Variants in PLD5 observed in about 807,000 individuals in gnomAD.
PLD5 encodes inactive phospholipase D5.
Under a neutral mutation model 61.1 loss-of-function variants are expected in PLD5, and 36 were observed. The ratio of observed to expected loss-of-function variants is 0.59; its 90% CI spans 0.45 to 0.78. PLD5 has a LOEUF of 0.78. Ranked by LOEUF, PLD5 falls within the 30% of genes least tolerant of loss-of-function variation. The pLI is 0.00. For synonymous variants in PLD5, 243 were observed against 242.8 expected (o/e 1.00, Z -0.01); for missense variants, 515 against 644.4 (o/e 0.80, Z 2.17).
At chr1:242,324,752 TGTTTG>T (rs2149192530) in intron 2 of PLD5, among the ~76,000 whole-genome samples, 1 of 152,294 alleles carries the variant, frequency 6.6e-6, no homozygotes, top group East Asian at 1.9e-4. Context: ...CTAAGATTGA[TGTTTG>T]AGTATTTTTT....
rs1659345724 is a variant in PLD5 at position 242,083,815 on chromosome 1, A to G, written c.*6039T>C. Reference sequence around the variant, plus strand: ...CTCTATTTATATTGGAAAGTAACATATAATTTCAACGTTTTTAATCCTGGG... The same window carrying G: ...CTCTATTTATATTGGAAAGTAACATGTAATTTCAACGTTTTTAATCCTGGG... On this transcript the variant is annotated 3_prime_UTR_variant, in exon 10 of 10. Transcript: ENST00000536534. The G allele has an allele frequency of 6.6e-6, 1 of 151,664 alleles. No individual in the cohort carries two copies. Among genetic ancestry groups the G allele is most frequent in the Non-Finnish European group, 1.5e-5 (1 of 67,722 alleles). 9.4% of individuals were successfully genotyped at this position (151,664 alleles called of 1,614,324 possible).
intron 2 of PLD5, among the ~76,000 whole-genome samples, chr1:242,324,816 T>C (rs1040527273): frequency 1.3e-5 from 2 of 152,236 alleles, no homozygotes; most frequent in Admixed American, 6.5e-5. Flanking sequence ...ACCAGTTAAC[T>C]GGCTGATCAG....
chr1:242,414,531 T>C (rs892548988), intron 1 of PLD5, among the ~76,000 whole-genome samples: 1 of 152,116 alleles, frequency 6.6e-6, no homozygotes, highest in African/African-American at 2.4e-5. Flanking sequence ...CTCAGATCAG[T>C]TGAGGGAAAG....
chr1:242,206,297 A>T (rs946180834), intron 5 of PLD5, among the ~76,000 whole-genome samples: 2 of 152,194 alleles, frequency 1.3e-5, no homozygotes, highest in African/African-American at 4.8e-5. Flanking sequence ...CCTCTGGCTG[A>T]GTTCTTACAG....
At chr1:242,486,612 G>A (rs1667969826) in intron 1 of PLD5, among the ~76,000 whole-genome samples, 1 of 152,190 alleles carries the variant, frequency 6.6e-6, no homozygotes, top group Non-Finnish European at 1.5e-5. Context: ...CACTGTTGCT[G>A]AGACTGTAAA....
Position 242,095,523 on chromosome 1 carries a change from C to T in PLD5, c.1354+5145G>A, listed in dbSNP as rs188355519. ...CTGGGATTATAGGTGTGAGCCACCA[C>T]GCCCGGCCTAAAACATTTAATTCAT... On this transcript the variant is annotated intron_variant, in intron 9 of 9. Coordinates refer to ENST00000536534, the MANE Select transcript of PLD5 (RefSeq NM_001372062.1). Among the ~76,000 whole-genome samples the T allele has an allele frequency of 1.5e-3, 231 of 152,308 alleles. 1 individual carries two copies. Among genetic ancestry groups the T allele is most frequent in the African/African-American group, 5.1e-3 (210 of 41,564 alleles).
At chr1:242,267,479 T>C (rs1348142479) in intron 3 of PLD5, among the ~76,000 whole-genome samples, 2 of 152,202 alleles carry the variant, frequency 1.3e-5, no homozygotes, top group African/African-American at 2.4e-5. Context: ...GTGGAGCTCA[T>C]TGAAAGTGAT....
chr1:242,373,973 C>CAAA (rs74686206), intron 1 of PLD5, among the ~76,000 whole-genome samples: 13 of 149,960 alleles, frequency 8.7e-5, no homozygotes, highest in South Asian at 2.1e-4. Context: ...ATAATAAAAA[C>CAAA]AAAAAAAAAG....
intron 1 of PLD5, among the ~76,000 whole-genome samples, chr1:242,442,017 C>G (rs1666298738): frequency 6.6e-6 from 1 of 152,164 alleles, no homozygotes; most frequent in Admixed American, 6.5e-5. Flanking sequence ...CTGTATAAAG[C>G]AAAGAGTGAA....
chr1:242,170,034 A>G lies in PLD5; in HGVS notation c.736-45369T>C, dbSNP rs530149381. On this transcript the variant is annotated intron_variant, in intron 5 of 9. Coordinates refer to ENST00000536534, the MANE Select transcript of PLD5 (RefSeq NM_001372062.1). ...CAACAGACTTAAACGCCCCTGCCCAATGGCTCTGAAGAGAGCAACAGACCT... is the reference window on the plus strand; with the variant it reads ...CAACAGACTTAAACGCCCCTGCCCAGTGGCTCTGAAGAGAGCAACAGACCT... Among the ~76,000 whole-genome samples the G allele has an allele frequency of 1.1e-4, 16 of 152,226 alleles. 1 individual carries two copies. The South Asian group carries it at 1.7e-3, about 16-fold the overall frequency.
At chr1:242,487,556 AG>A (rs1668003400) in intron 1 of PLD5, among the ~76,000 whole-genome samples, 1 of 152,208 alleles carries the variant, frequency 6.6e-6, no homozygotes, top group Non-Finnish European at 1.5e-5. Flanking sequence ...ACTTTACTAA[AG>A]TTAAACATCT....
rs1455118617 is a variant in PLD5, at chr1:242,311,844, G to A, written c.327-23314C>T. On this transcript the variant is annotated intron_variant, in intron 2 of 9. Coordinates refer to ENST00000536534, the MANE Select transcript of PLD5 (RefSeq NM_001372062.1). ...CTTCTGGAACTCTCATAATGCATAT[G>A]TAGGTCCACTTGATGGGATCCTGCA... Among the ~76,000 whole-genome samples, 3 of 152,236 alleles carry A rather than the reference G, an allele frequency of 2.0e-5. No homozygotes were observed. The South Asian group carries it at 6.2e-4, about 32-fold the overall frequency.
In PLD5 at chr1:242,219,443, T is replaced by A. The variant is rs1281259473; in HGVS notation, c.735+545A>T. 3.3e-5 allele frequency among the ~76,000 whole-genome samples: 5 copies of A among 152,338 alleles called. No homozygotes were observed. The East Asian group carries it at 7.7e-4, about 23-fold the overall frequency. The stretch of plus-strand genomic sequence containing the variant: ...TGACTAGGAACCTCCTGTCGCTGGA[T>A]GACTAATGGAAAGATGGTGATTTTG... On this transcript the variant is annotated intron_variant, in intron 5 of 9. Coordinates refer to ENST00000536534, the MANE Select transcript of PLD5 (RefSeq NM_001372062.1).
At chr1:242,522,073 C>A (rs1408256207) in intron 1 of PLD5, among the ~76,000 whole-genome samples, 2 of 152,002 alleles carry the variant, frequency 1.3e-5, no homozygotes, top group Non-Finnish European at 2.9e-5. Flanking sequence ...GAGAATACCA[C>A]CAATAAATTT....
intron 1 of PLD5, among the ~76,000 whole-genome samples, chr1:242,480,917 A>C (rs1667750403): frequency 6.6e-6 from 1 of 152,230 alleles, no homozygotes; most frequent in Non-Finnish European, 1.5e-5. Flanking sequence ...GTAAAATCGT[A>C]CAACCAATTT....
intron 2 of PLD5, among the ~76,000 whole-genome samples, chr1:242,323,837 T>C (rs1007791658): frequency 6.6e-6 from 1 of 152,056 alleles, no homozygotes; most frequent in African/African-American, 2.4e-5. Flanking sequence ...GGATCAGAGG[T>C]TTCCCAGATG....
chr1:242,101,309 CA>C (rs11457377), intron 8 of PLD5, among the ~76,000 whole-genome samples: 2,165 of 147,558 alleles, frequency 0.015, 55 homozygotes, highest in African/African-American at 0.05. Flanking sequence ...ATAGACAACT[CA>C]AAAAAAAAAA....
intron 5 of PLD5, among the ~76,000 whole-genome samples, chr1:242,142,266 G>C (rs1664225098): frequency 6.6e-6 from 1 of 152,208 alleles, no homozygotes; most frequent in Admixed American, 6.5e-5. Context: ...AAAATGATAT[G>C]TGCTGTATAA....
intron 4 of PLD5, among the ~76,000 whole-genome samples, chr1:242,258,461 A>G (rs1024431338): frequency 2.6e-5 from 4 of 152,250 alleles, no homozygotes; most frequent in Admixed American, 1.3e-4. Flanking sequence ...TAAATATTTT[A>G]AAATAACACT....
Sources: gnomAD v4.1 joint callset for allele counts (sites outside exome capture counted in the v4.1 genomes callset) on GRCh38, gnomAD v4.1.1 for gene constraint, MANE v1.5 for transcripts, NCBI Gene and HGNC (gene_info 2026-07-23, HGNC 2026-07-21) for gene names.